Variants in SUMF1 observed in about 807,000 individuals in gnomAD.
SUMF1 encodes sulfatase modifying factor 1, also known as formylglycine-generating enzyme.
A neutral mutation model predicts 47.6 loss-of-function variants in SUMF1; 48 were observed. The observed-to-expected ratio is 1.01, with a 90% CI of 0.80 to 1.28. The LOEUF (loss-of-function observed/expected upper bound fraction) is 1.28, where lower values mean the gene tolerates loss of function less well. Ranked by LOEUF, SUMF1 falls within the 50% of genes most tolerant of loss-of-function variation. The pLI is 0.00. For missense variants in SUMF1, 571 were observed against 485.4 expected (o/e 1.18, Z -1.66); for synonymous variants, 230 against 192.1 (o/e 1.20, Z -1.63).
Position 4,456,741 on chromosome 3 carries a change from C to CACACATATATACGTGTGTGTGTATATAT in SUMF1, c.271-3720_271-3693dup, listed in dbSNP as rs1559312437. On this transcript the variant is annotated intron_variant, in intron 1 of 8. Coordinates refer to ENST00000272902, the MANE Select transcript of SUMF1 (RefSeq NM_182760.4). ...ACATATATATACGTGTGTATATATA[C>CACACATATATACGTGTGTGTGTATATAT]ACACATATATACGTGTGTGTGTATA... Among the ~76,000 whole-genome samples the CACACATATATACGTGTGTGTGTATATAT allele has an allele frequency of 8.6e-3, 359 of 41,602 alleles. 12 individuals are homozygous for CACACATATATACGTGTGTGTGTATATAT. The highest frequency in any genetic ancestry group is 0.032 in the African/African-American group (323 of 10,116). The allele number at this position is 41,602 out of a possible 152,430, so 27.3% of individuals were successfully genotyped here.
chr3:4,356,968 A>C (rs954219466), downstream of SUMF1, among the ~76,000 whole-genome samples: 1 of 149,126 alleles, frequency 6.7e-6, no homozygotes, highest in African/African-American at 2.5e-5. Flanking sequence ...AAGAACTGCT[A>C]CACTTTCCAG....
chr3:4,310,228 T>C (rs188215122), intron 8 of SUMF1, among the ~76,000 whole-genome samples: 1 of 152,336 alleles, frequency 6.6e-6, no homozygotes, highest in East Asian at 1.9e-4. Context: ...TGTAAATATT[T>C]GAATAGAATG....
At chr3:4,172,978 T>C (rs1559534836) in intron 8 of SUMF1, among the ~76,000 whole-genome samples, 1 of 152,138 alleles carries the variant, frequency 6.6e-6, no homozygotes. Context: ...ACGGTTTCTA[T>C]GGTTTTAAGT....
chr3:4,190,163 A>T (rs1158897850), intron 8 of SUMF1, among the ~76,000 whole-genome samples: 1 of 152,072 alleles, frequency 6.6e-6, no homozygotes, highest in Non-Finnish European at 1.5e-5. Context: ...AACAGTTTTT[A>T]AATGAACTAA....
intron 3 of SUMF1, among the ~76,000 whole-genome samples, chr3:4,442,469 C>T (rs1347126451): frequency 1.3e-5 from 2 of 151,312 alleles, no homozygotes; most frequent in East Asian, 1.9e-4. Flanking sequence ...CCGTTTTAGC[C>T]GGGATGGTCT....
chr3:4,138,441 C>A (rs1159375028), intron 8 of SUMF1, among the ~76,000 whole-genome samples: 2 of 152,260 alleles, frequency 1.3e-5, no homozygotes, highest in East Asian at 3.9e-4. Flanking sequence ...TATTCCATGT[C>A]AATTCCAACC....
At chr3:4,189,234 T>A (rs1695265601) in intron 8 of SUMF1, among the ~76,000 whole-genome samples, 1 of 151,996 alleles carries the variant, frequency 6.6e-6, no homozygotes, top group African/African-American at 2.4e-5. Flanking sequence ...CGGGGAGGGG[T>A]CCAAAATTGG....
chr3:4,047,820 T>A (rs1385393432), intron 9 of SUMF1, among the ~76,000 whole-genome samples: 1 of 152,134 alleles, frequency 6.6e-6, no homozygotes, highest in African/African-American at 2.4e-5. Flanking sequence ...CCAGAGACTA[T>A]CCCTTCTCTG....
chr3:4,128,711 T>A (rs1198499408), intron 8 of SUMF1, among the ~76,000 whole-genome samples: 1 of 152,134 alleles, frequency 6.6e-6, no homozygotes, highest in Non-Finnish European at 1.5e-5. Flanking sequence ...AGAGTTTATA[T>A]AAATTAGAAA....
At chr3:4,313,004 C>G (rs774809673) in intron 8 of SUMF1, 1 of 1,613,960 alleles carries the variant, frequency 6.2e-7, no homozygotes, top group Non-Finnish European at 8.5e-7. Flanking sequence ...GGCACTTGCT[C>G]CTGTCTCCGC....
intron 8 of SUMF1, among the ~76,000 whole-genome samples, chr3:4,136,966 G>T (rs1265264892): frequency 3.3e-5 from 5 of 152,086 alleles, no homozygotes; most frequent in African/African-American, 1.2e-4. Flanking sequence ...AAAAAGTCAA[G>T]AAACAACAGA....
At chr3:4,238,025 G>C (rs1696448910) in intron 8 of SUMF1, among the ~76,000 whole-genome samples, 1 of 151,830 alleles carries the variant, frequency 6.6e-6, no homozygotes, top group African/African-American at 2.4e-5. Flanking sequence ...GTGAGAACAT[G>C]TGGTGTTTGG....
intron 8 of SUMF1, among the ~76,000 whole-genome samples, chr3:4,276,457 T>A (rs1478525107): frequency 1.3e-5 from 2 of 152,180 alleles, no homozygotes; most frequent in Non-Finnish European, 2.9e-5. Flanking sequence ...GTTGTAGAAG[T>A]AGCCTTGTTT....
chr3:4,211,199 C>T lies in SUMF1; in HGVS notation c.1015-142454G>A, dbSNP rs62258064. On this transcript the variant is annotated intron_variant and NMD_transcript_variant, in intron 8 of 12. Coordinates refer to the SUMF1 transcript ENST00000448413. Reference sequence around the variant, plus strand: ...ATATATATACATATACATATACATACATACATATATATATATATATATATA... The same window carrying T: ...ATATATATACATATACATATACATATATACATATATATATATATATATATA... 9.5e-4 allele frequency among the ~76,000 whole-genome samples: 81 copies of T among 84,956 alleles called. 1 individual carries two copies. Among genetic ancestry groups the T allele is most frequent in the South Asian group, 2.0e-3 (5 of 2,532 alleles). 55.7% of individuals were successfully genotyped at this position (84,956 alleles called of 152,430 possible). A position where few individuals can be genotyped will look rare whatever the true frequency, so the allele number is the denominator to read the frequency against.
At chr3:4,322,080 A>G (rs748650262) in intron 8 of SUMF1, among the ~76,000 whole-genome samples, 15 of 152,182 alleles carry the variant, frequency 9.9e-5, no homozygotes, top group African/African-American at 1.4e-4. Context: ...ATACTTGAAC[A>G]TTATTCCTCA....
chr3:4,332,422 G>A (rs998440342), intron 8 of SUMF1, among the ~76,000 whole-genome samples: 1 of 152,148 alleles, frequency 6.6e-6, no homozygotes, highest in African/African-American at 2.4e-5. Flanking sequence ...TAAGGCATTA[G>A]GCCTAAATAT....
chr3:4,281,445 T>C lies in SUMF1; in HGVS notation c.1014+94885A>G, dbSNP rs149042846. Among the ~76,000 whole-genome samples, 191 of 152,284 alleles carry C rather than the reference T, an allele frequency of 1.3e-3. 1 individual carries two copies. The East Asian group carries it at 0.032, about 25-fold the overall frequency. On this transcript the variant is annotated intron_variant and NMD_transcript_variant, in intron 8 of 12. Coordinates refer to the SUMF1 transcript ENST00000448413. ...TGTAAGTTACCTCATTTAGTCCTCA[T>C]AACAATCCTATGCCATAGATATTGA...
At chr3:4,139,254 T>C (rs1455786612) in intron 8 of SUMF1, among the ~76,000 whole-genome samples, 1 of 152,016 alleles carries the variant, frequency 6.6e-6, no homozygotes, top group Non-Finnish European at 1.5e-5. Flanking sequence ...ATTTCCAATA[T>C]ATGTCCTCAC....
chr3:4,188,271 G>A (rs1695245875), intron 8 of SUMF1, among the ~76,000 whole-genome samples: 1 of 151,742 alleles, frequency 6.6e-6, no homozygotes, highest in Non-Finnish European at 1.5e-5. Context: ...CGCCTCCCAG[G>A]TTCAAGCAAT....
Sources: allele counts gnomAD v4.1 joint callset (sites outside exome capture counted in the v4.1 genomes callset), GRCh38; gene constraint gnomAD v4.1.1; transcripts MANE v1.5; gene names NCBI Gene and HGNC (gene_info 2026-07-23, HGNC 2026-07-21).